Variants in LRRC49 observed in about 807,000 individuals in gnomAD.
LRRC49 encodes leucine rich repeat containing 49.
Under a neutral mutation model 83.3 loss-of-function variants are expected in LRRC49, and 50 were observed. The ratio of observed to expected loss-of-function variants is 0.60; its 90% CI spans 0.48 to 0.76. LRRC49 has a LOEUF of 0.76. Ranked by LOEUF, LRRC49 falls within the 30% of genes least tolerant of loss-of-function variation. The probability of loss-of-function intolerance (pLI) is 0.00; values close to 1 mark genes in which losing one functional copy is unlikely to be tolerated. For missense variants in LRRC49, 704 were observed against 809.1 expected (o/e 0.87, Z 1.58); for synonymous variants, 286 against 283.3 (o/e 1.01, Z -0.10).
intron 7 of LRRC49, 128 bp downstream of exon 7, chr15:70,919,321 G>A (rs2034917221): frequency 2.4e-6 from 2 of 833,146 alleles, no homozygotes; most frequent in African/African-American, 3.5e-5. Context: ...AATTTAAATT[G>A]TGGATGTAAT....
intron 1 of LRRC49, chr15:70,893,275 C>A: frequency 1.8e-6 from 1 of 551,214 alleles, no homozygotes; most frequent in Non-Finnish European, 3.2e-6. Context: ...TTAGGGACTC[C>A]CACCTCCTTC....
chr15:70,874,459 T>C (rs1248855583), intron 2 of LRRC49, among the ~76,000 whole-genome samples: 1 of 152,174 alleles, frequency 6.6e-6, no homozygotes, highest in Non-Finnish European at 1.5e-5. Flanking sequence ...GATAATAAGC[T>C]GGAGACTATG....
intron 7 of LRRC49, among the ~76,000 whole-genome samples, chr15:70,924,898 A>G (rs1449633709): frequency 6.6e-6 from 1 of 151,822 alleles, no homozygotes; most frequent in Non-Finnish European, 1.5e-5. Context: ...AGCTTCTGTT[A>G]TTGTCATTAA....
intron 14 of LRRC49, among the ~76,000 whole-genome samples, chr15:71,015,956 T>C (rs2038812639): frequency 6.6e-6 from 1 of 152,222 alleles, no homozygotes; most frequent in Admixed American, 6.5e-5. Context: ...TGGATGTTCT[T>C]ATATGAAACG....
intron 1 of LRRC49, chr15:70,858,601 C>G: frequency 2.0e-6 from 1 of 502,080 alleles, no homozygotes. Context: ...GAGACTTGGT[C>G]TCAATTAAAA....
intron 14 of LRRC49, among the ~76,000 whole-genome samples, chr15:71,034,615 C>G (rs1196866746): frequency 6.6e-6 from 1 of 152,142 alleles, no homozygotes; most frequent in Non-Finnish European, 1.5e-5. Context: ...ATAACAAAGA[C>G]ATGGAATCAA....
chr15:70,893,514 C>CA, intron 1 of LRRC49, 70 bp from the exon 2 acceptor site: 2 of 800,918 alleles, frequency 2.5e-6, no homozygotes, highest in Non-Finnish European at 2.0e-6. Flanking sequence ...CTGTTTGTAC[C>CA]TTTTTTTTTT....
chr15:70,890,127 T>A (rs893885577), upstream of LRRC49, among the ~76,000 whole-genome samples: 1 of 152,226 alleles, frequency 6.6e-6, no homozygotes, highest in Non-Finnish European at 1.5e-5. Flanking sequence ...ATAAAGACTT[T>A]GGTTGTTTGA....
At chr15:70,968,857 C>T (rs1306714505) in intron 9 of LRRC49, among the ~76,000 whole-genome samples, 3 of 151,852 alleles carry the variant, frequency 2.0e-5, no homozygotes. Context: ...AATTTGTTTA[C>T]GTTCCTTGTA....
intron 2 of LRRC49, among the ~76,000 whole-genome samples, chr15:70,883,066 C>T (rs995620268): frequency 3.2e-4 from 49 of 152,154 alleles, no homozygotes; most frequent in African/African-American, 1.2e-3. Flanking sequence ...TATAGTCCAA[C>T]CTTTTATGAA....
intron 2 of LRRC49, among the ~76,000 whole-genome samples, chr15:70,877,335 G>A (rs959599176): frequency 1.3e-5 from 2 of 151,940 alleles, no homozygotes; most frequent in East Asian, 1.9e-4. Flanking sequence ...ATTTCCTTGC[G>A]TACTTTTGCA....
chr15:71,044,371 T>A (rs757796851), intron 15 of LRRC49, among the ~76,000 whole-genome samples: 1 of 152,244 alleles, frequency 6.6e-6, no homozygotes, highest in Non-Finnish European at 1.5e-5. Flanking sequence ...TGCTTAGAGA[T>A]GCCTTATATG....
chr15:70,927,697 G>A (rs986108949), intron 7 of LRRC49, among the ~76,000 whole-genome samples: 4 of 152,036 alleles, frequency 2.6e-5, no homozygotes, highest in Non-Finnish European at 4.4e-5. Context: ...GCCCAGGTTG[G>A]AGTGCAGTGG....
intron 5 of LRRC49, among the ~76,000 whole-genome samples, chr15:70,911,112 G>A (rs1476276515): frequency 1.3e-5 from 2 of 152,224 alleles, no homozygotes; most frequent in African/African-American, 4.8e-5. Flanking sequence ...TGCCAGGTTA[G>A]AGACACAGCA....
intron 7 of LRRC49, among the ~76,000 whole-genome samples, chr15:70,933,553 C>T (rs1293719073): frequency 1.3e-5 from 2 of 152,080 alleles, no homozygotes; most frequent in Non-Finnish European, 2.9e-5. Flanking sequence ...CCTGTCATTC[C>T]GAAATAATTT....
At chr15:70,890,253 C>CAT (rs139628597), upstream of LRRC49, among the ~76,000 whole-genome samples, 276 of 152,062 alleles carry the variant, frequency 1.8e-3, 2 homozygotes, top group African/African-American at 6.6e-3. Flanking sequence ...TTGCTACACA[C>CAT]ATATATATGT....
intron 1 of LRRC49, among the ~76,000 whole-genome samples, chr15:70,871,029 T>G (rs2033021009): frequency 6.7e-6 from 1 of 149,100 alleles, no homozygotes; most frequent in Non-Finnish European, 1.5e-5. Flanking sequence ...CATAGGACAA[T>G]AGTGGAGCGA....
rs958787096 is a variant in LRRC49 at position 71,050,874 on chromosome 15, C to G, written c.*1262C>G. 1 of 151,180 alleles carries G rather than the reference C, an allele frequency of 6.6e-6. No individual in the cohort carries two copies. Among genetic ancestry groups the G allele is most frequent in the Non-Finnish European group, 1.5e-5 (1 of 68,316 alleles). The allele number at this position is 151,180 out of a possible 1,614,324, so 9.4% of individuals were successfully genotyped here. A position where few individuals can be genotyped will look rare whatever the true frequency, so the allele number is the denominator to read the frequency against. On this transcript the variant is annotated 3_prime_UTR_variant, in exon 16 of 16. Coordinates refer to ENST00000260382, the MANE Select transcript of LRRC49 (RefSeq NM_017691.5). ...TTTTTTTTTGAGACAGAGTCTTGCT[C>G]TGTCACCCAGGCTGGAGTGCAGTGG...
intron 10 of LRRC49, among the ~76,000 whole-genome samples, chr15:70,982,064 A>T (rs2037421607): frequency 6.6e-6 from 1 of 151,880 alleles, no homozygotes; most frequent in African/African-American, 2.4e-5. Flanking sequence ...CCTGGTAATG[A>T]TCTGATTTTA....
Sources: allele counts gnomAD v4.1 joint callset (sites outside exome capture counted in the v4.1 genomes callset), GRCh38; gene constraint gnomAD v4.1.1; transcripts MANE v1.5; gene names NCBI Gene and HGNC (gene_info 2026-07-23, HGNC 2026-07-21).